SMARCB1: variants seen among roughly 807,000 people sequenced by gnomAD.
SMARCB1 encodes the protein SWI/SNF-related matrix-associated actin-dependent regulator of chromatin subfamily B member 1.
In SMARCB1, 5 loss-of-function variants were observed where a neutral mutation model predicts 49.0. The observed-to-expected ratio is 0.10, with a 90% CI of 0.05 to 0.21. The LOEUF (loss-of-function observed/expected upper bound fraction) is 0.21. Ranked by LOEUF, SMARCB1 falls within the 10% of genes least tolerant of loss-of-function variation. The probability of loss-of-function intolerance (pLI) is 1.00; values close to 1 mark genes in which losing one functional copy is unlikely to be tolerated. For missense variants in SMARCB1, 226 were observed against 509.2 expected (o/e 0.44, Z 5.35); for synonymous variants, 201 against 200.1 (o/e 1.00, Z -0.04).
At chr22:23,812,499 T>TA (rs1929936497) in intron 5 of SMARCB1, among the ~76,000 whole-genome samples, 1 of 152,082 alleles carries the variant, frequency 6.6e-6, no homozygotes, top group Admixed American at 6.6e-5. Flanking sequence ...ATTACCTAGA[T>TA]ACCAAACCTA....
intron 3 of SMARCB1, among the ~76,000 whole-genome samples, chr22:23,799,678 A>ACTTTTTTTTTTTTTTT (rs1929014152): frequency 1.5e-5 from 1 of 66,012 alleles, no homozygotes. Context: ...ACACCTGGCT[A>ACTTTTTTTTTTTTTTT]ATTTTTTTTT....
chr22:23,827,009 G>C (rs2267038), intron 7 of SMARCB1, among the ~76,000 whole-genome samples: 111,042 of 152,112 alleles, frequency 0.73, 41,282 homozygotes, highest in Non-Finnish European at 0.81. Flanking sequence ...GCTGTAGCGT[G>C]CATTCACCCT....
intron 1 of SMARCB1, among the ~76,000 whole-genome samples, chr22:23,787,491 G>C (rs941335062): frequency 6.6e-6 from 1 of 152,204 alleles, no homozygotes; most frequent in Non-Finnish European, 1.5e-5. Flanking sequence ...CTTCAGTGCT[G>C]CCAAGATTTT....
At position 23,787,241 on chromosome 22, in the gene SMARCB1, G is replaced by C; in HGVS notation, c.72G>C (p.Glu24Asp). 6.2e-7 allele frequency: 1 copy of C among 1,605,234 alleles called. No individual in the cohort carries two copies. Among genetic ancestry groups the C allele is most frequent in the Admixed American group, 1.7e-5 (1 of 59,626 alleles). Reference protein sequence around the residue: ...PVKFQLEDDGEFYMIGSEVGN... With the variant: ...PVKFQLEDDGDFYMIGSEVGN... ...AGTTCCAGCTGGAGGACGACGGCGAGTTCTACATGATCGGCTCCGAGGTAG... is the reference window on the plus strand; with the variant it reads ...AGTTCCAGCTGGAGGACGACGGCGACTTCTACATGATCGGCTCCGAGGTAG... Residue 24 changes from glutamate (E) to aspartate (D), a missense_variant, in exon 1 of 9, where the codon GAG becomes GAC. Around this residue, in one of 6 missense-constraint regions of SMARCB1, gnomAD observed 37 missense variants for 36.9 expected, o/e 1.00. Coordinates refer to ENST00000644036, the MANE Select transcript of SMARCB1 (RefSeq NM_003073.5).
In SMARCB1 at chr22:23,833,614, G is replaced by T. The variant is rs761056928; in HGVS notation, c.1029G>T (p.Thr343=). 1 of 1,614,222 alleles carries T rather than the reference G, an allele frequency of 6.2e-7. No homozygotes were observed. Among genetic ancestry groups the T allele is most frequent in the Admixed American group, 1.7e-5 (1 of 60,026 alleles). ...LPTVEIAIRN[T]GDADQWCPLL... is the part of the protein sequence containing the mutation. ...CAGTGGAGATTGCCATCCGGAACAC[G>T]GGCGATGCGGACCAGTGGTGCCCAC... The change falls in exon 8 of 9, where the codon ACG becomes ACT. Residue 343 remains threonine (T), a synonymous_variant. Coordinates refer to ENST00000644036, the MANE Select transcript of SMARCB1 (RefSeq NM_003073.5).
rs534183354 is a variant in SMARCB1, at chr22:23,816,882, C to G, written c.741C>G (p.Ser247=). The G allele has an allele frequency of 6.8e-6, 11 of 1,614,124 alleles. No individual in the cohort carries two copies. The highest frequency in any genetic ancestry group is 9.3e-6 in the Non-Finnish European group (11 of 1,179,986). The part of the protein sequence containing the change: ...IASAIRQQIE[S]YPTDSILEDQ... The stretch of plus-strand genomic sequence containing the variant: ...CTGCCATCAGACAGCAGATCGAGTC[C>G]TACCCCACGGACAGCATCCTGGAGG... Residue 247 remains serine (S), a synonymous_variant, in exon 6 of 9, where the codon TCC becomes TCG. Coordinates refer to ENST00000644036, the MANE Select transcript of SMARCB1 (RefSeq NM_003073.5).
Position 23,803,577 on chromosome 22 carries a change from G to T in SMARCB1, c.628+155G>T, listed in dbSNP as rs1601405417. On this transcript the variant is annotated intron_variant, in intron 5 of 8. Transcript: ENST00000644036. ...TTGGAGGGTGTGGGCTCTGGGTTCA[G>T]TCCTGGTTCTGTTGCTGTTCACTGT... 3 of 838,210 alleles carry T rather than the reference G, an allele frequency of 3.6e-6. No individual in the cohort carries two copies. In the South Asian group the frequency reaches 4.3e-5, roughly 12 times the overall value. 51.9% of individuals were successfully genotyped at this position (838,210 alleles called of 1,614,324 possible). A position where few individuals can be genotyped will look rare whatever the true frequency, so the allele number is the denominator to read the frequency against.
At chr22:23,817,123 G>A in intron 6 of SMARCB1, 187 bp downstream of exon 6, 1 of 625,588 alleles carries the variant, frequency 1.6e-6, no homozygotes, top group Non-Finnish European at 2.9e-6. Context: ...AGTTCTCATA[G>A]TAAAGTGTTA....
intron 5 of SMARCB1, chr22:23,815,602 GT>G (rs1371986444): frequency 6.6e-6 from 1 of 152,172 alleles, no homozygotes; most frequent in Non-Finnish European, 1.5e-5. Context: ...ATGAAGACAT[GT>G]TTATACAATA....
At chr22:23,810,527 C>CAAAAA (rs201408640) in intron 5 of SMARCB1, among the ~76,000 whole-genome samples, 18 of 79,124 alleles carry the variant, frequency 2.3e-4, no homozygotes, top group South Asian at 6.1e-4. Context: ...GACTCTGTCT[C>CAAAAA]AAAAAAAAAA....
In SMARCB1 at chr22:23,837,567, A is replaced by G; in HGVS notation, c.*3387A>G. ...TGGAGCCAGGTGTGAGGAGAACTCCAGCAAGGATGGGAGAGGGGCCCCAGG... is the reference window on the plus strand; with the variant it reads ...TGGAGCCAGGTGTGAGGAGAACTCCGGCAAGGATGGGAGAGGGGCCCCAGG... On this transcript the variant is annotated 3_prime_UTR_variant, in exon 9 of 9. Coordinates refer to ENST00000644036, the MANE Select transcript of SMARCB1 (RefSeq NM_003073.5). 1 of 1,342,504 alleles carries G rather than the reference A, an allele frequency of 7.4e-7. No homozygotes were observed. The highest frequency in any genetic ancestry group is 2.2e-5 in the Admixed American group (1 of 45,500). The allele number at this position is 1,342,504 out of a possible 1,614,324, so 83.2% of individuals were successfully genotyped here. A position where few individuals can be genotyped will look rare whatever the true frequency, so the allele number is the denominator to read the frequency against.
At chr22:23,826,687 A>G (rs547870475) in intron 7 of SMARCB1, among the ~76,000 whole-genome samples, 1 of 152,246 alleles carries the variant, frequency 6.6e-6, no homozygotes, top group South Asian at 2.1e-4. Flanking sequence ...CAAAGCCATG[A>G]CAATTAATGG....
In SMARCB1 at chr22:23,836,258, G is replaced by T; in HGVS notation, c.*2078G>T. 2 of 985,466 alleles carry T rather than the reference G, an allele frequency of 2.0e-6. No homozygotes were observed. Among genetic ancestry groups the T allele is most frequent in the Non-Finnish European group, 2.4e-6 (2 of 829,960 alleles). 61.0% of individuals were successfully genotyped at this position (985,466 alleles called of 1,614,324 possible). A position where few individuals can be genotyped will look rare whatever the true frequency, so the allele number is the denominator to read the frequency against. On this transcript the variant is annotated 3_prime_UTR_variant, in exon 9 of 9. Coordinates refer to ENST00000644036, the MANE Select transcript of SMARCB1 (RefSeq NM_003073.5). ...GCCCTCTTCTGCACCTGAATCCATG[G>T]GGCTTTGGCATCACCAGATGAAAAA...
chr22:23,807,581 T>C (rs1972257), intron 5 of SMARCB1, among the ~76,000 whole-genome samples: 1 of 151,208 alleles, frequency 6.6e-6, no homozygotes, highest in African/African-American at 2.4e-5. Flanking sequence ...TCTCAAAAAC[T>C]TTTTTTTTAA....
chr22:23,806,659 C>A (rs752661439), intron 5 of SMARCB1, among the ~76,000 whole-genome samples: 1 of 152,142 alleles, frequency 6.6e-6, no homozygotes, highest in Non-Finnish European at 1.5e-5. Flanking sequence ...TGGTGGCTCA[C>A]GCCTGTAATC....
At chr22:23,820,312 C>T (rs564116169) in intron 6 of SMARCB1, among the ~76,000 whole-genome samples, 290 of 151,424 alleles carry the variant, frequency 1.9e-3, no homozygotes, top group Middle Eastern at 3.4e-3. Context: ...CAGTGGCTCA[C>T]GCCTGTAATC....
In SMARCB1 at chr22:23,837,266, C is replaced by T. The variant is rs957554041; in HGVS notation, c.*3086C>T. ...CCTGGTGGCCCTGCAGGCCCCACAG[C>T]ATGAGTGCCCCAAAGCCTTGCACAG... On this transcript the variant is annotated 3_prime_UTR_variant, in exon 9 of 9. Coordinates refer to ENST00000644036, the MANE Select transcript of SMARCB1 (RefSeq NM_003073.5). The T allele has an allele frequency of 7.4e-7, 1 of 1,344,310 alleles. No homozygotes were observed. Among genetic ancestry groups the T allele is most frequent in the African/African-American group, 1.5e-5 (1 of 67,748 alleles). 83.3% of individuals were successfully genotyped at this position (1,344,310 alleles called of 1,614,324 possible). A position where few individuals can be genotyped will look rare whatever the true frequency, so the allele number is the denominator to read the frequency against.
chr22:23,835,907 CA>C lies in SMARCB1; in HGVS notation c.*1729del. On this transcript the variant is annotated 3_prime_UTR_variant, in exon 9 of 9. Transcript: ENST00000644036. ...TCACACCGCCGCAAAGCCATCTCCA[CA>C]AGGTCTGGCTACAACACGGAGGGCA... 4.1e-6 allele frequency: 4 copies of C among 985,500 alleles called. No individual in the cohort carries two copies. Among genetic ancestry groups the C allele is most frequent in the Non-Finnish European group, 4.8e-6 (4 of 829,960 alleles). The allele number at this position is 985,500 out of a possible 1,614,324, so 61.0% of individuals were successfully genotyped here.
intron 5 of SMARCB1, among the ~76,000 whole-genome samples, chr22:23,810,371 A>G (rs1394722050): frequency 6.6e-6 from 1 of 151,262 alleles, no homozygotes; most frequent in East Asian, 2.0e-4. Flanking sequence ...CTAAAAATAC[A>G]AAAACAATTA....
Sources: gnomAD v4.1 joint callset for allele counts (sites outside exome capture counted in the v4.1 genomes callset) on GRCh38, gnomAD v4.1.1 for gene constraint, gnomAD v4.1.1 regional missense constraint, MANE v1.5 for transcripts, NCBI Gene and HGNC (gene_info 2026-07-23, HGNC 2026-07-21) for gene names.